The following RPTOR variants were observed in gnomAD, a reference collection of about 807,000 sequenced individuals.
The protein encoded by RPTOR is regulatory-associated protein of mTOR.
Under a neutral mutation model 169.9 loss-of-function variants are expected in RPTOR, and 21 were observed. That is an observed-to-expected ratio of 0.12 (90% CI 0.09 to 0.18). RPTOR has a LOEUF of 0.18. Among genes scored for constraint, RPTOR ranks in the 10% least tolerant of loss-of-function variants. The probability of loss-of-function intolerance (pLI) is 1.00; values close to 1 mark genes in which losing one functional copy is unlikely to be tolerated. For synonymous variants in RPTOR, 732 were observed against 753.2 expected, an observed-to-expected ratio of 0.97 and a Z score of 0.46; for missense variants, 1,133 against 1,855.9, an observed-to-expected ratio of 0.61 and a Z score of 7.16.
At chr17:80,760,080 C>T (rs969255495) in intron 6 of RPTOR, among the ~76,000 whole-genome samples, 1 of 151,970 alleles carries the variant, frequency 6.6e-6, no homozygotes, top group Non-Finnish European at 1.5e-5. Flanking sequence ...TTAGCCGGAG[C>T]GTAGGGCTTT....
At chr17:80,819,896 G>C (rs2071554266) in intron 7 of RPTOR, among the ~76,000 whole-genome samples, 1 of 152,216 alleles carries the variant, frequency 6.6e-6, no homozygotes, top group African/African-American at 2.4e-5. Flanking sequence ...CGTTGTTACA[G>C]TCGTGCTGGG....
chr17:80,594,591 C>A (rs1218956696), intron 1 of RPTOR, among the ~76,000 whole-genome samples: 1 of 152,214 alleles, frequency 6.6e-6, no homozygotes, highest in Non-Finnish European at 1.5e-5. Flanking sequence ...CCTTCTGCCT[C>A]ACTCAGAACA....
At chr17:80,796,813 G>A (rs1197439106) in intron 7 of RPTOR, among the ~76,000 whole-genome samples, 5 of 152,196 alleles carry the variant, frequency 3.3e-5, no homozygotes, top group African/African-American at 7.2e-5. Context: ...GTGAACTCCC[G>A]TGGTGCCTCC....
intron 1 of RPTOR, among the ~76,000 whole-genome samples, chr17:80,571,084 T>G (rs974418140): frequency 3.9e-5 from 6 of 152,196 alleles, no homozygotes; most frequent in Non-Finnish European, 8.8e-5. Flanking sequence ...CGTAAGAGGA[T>G]TTAAGGATAA....
intron 1 of RPTOR, among the ~76,000 whole-genome samples, chr17:80,566,111 C>T (rs961987290): frequency 6.6e-6 from 1 of 152,200 alleles, no homozygotes; most frequent in African/African-American, 2.4e-5. Flanking sequence ...CGGCTCTCTA[C>T]CTGTCTGCTC....
chr17:80,602,786 T>A, intron 1 of RPTOR: 2 of 706,784 alleles, frequency 2.8e-6, no homozygotes, highest in Non-Finnish European at 5.2e-6. Flanking sequence ...TCCGAATCTC[T>A]CTGAGTGCCC....
At chr17:80,814,367 T>C (rs2067303286) in intron 7 of RPTOR, among the ~76,000 whole-genome samples, 1 of 152,220 alleles carries the variant, frequency 6.6e-6, no homozygotes, top group South Asian at 2.1e-4. Context: ...TGTATACCCT[T>C]CCAGACTTTT....
rs552645995 is a variant in RPTOR at position 80,742,453 on chromosome 17, A to C, written c.655-11557A>C. ...TCAAGTTTAGGAGGAGCAGGTACACACACACACACACGTATATAAGCACAT... is the reference window on the plus strand; with the variant it reads ...TCAAGTTTAGGAGGAGCAGGTACACCCACACACACACGTATATAAGCACAT... On this transcript the variant is annotated intron_variant, in intron 5 of 33. Coordinates refer to ENST00000306801, the MANE Select transcript of RPTOR (RefSeq NM_020761.3). Among the ~76,000 whole-genome samples the C allele has an allele frequency of 3.9e-5, 6 of 151,988 alleles. No homozygotes were observed. In the East Asian group the frequency reaches 1.2e-3, roughly 29 times the overall value.
intron 3 of RPTOR, among the ~76,000 whole-genome samples, chr17:80,704,306 T>A (rs902822773): frequency 1.6e-4 from 24 of 152,358 alleles, no homozygotes; most frequent in African/African-American, 5.8e-4. Context: ...ATTTATCAGC[T>A]GCCCTTGGTG....
intron 20 of RPTOR, among the ~76,000 whole-genome samples, chr17:80,894,252 G>C (rs1356090006): frequency 6.6e-6 from 1 of 152,178 alleles, no homozygotes; most frequent in Admixed American, 6.5e-5. Flanking sequence ...GAGCAACTGG[G>C]GTACAGTAGG....
intron 21 of RPTOR, among the ~76,000 whole-genome samples, chr17:80,913,526 C>T (rs2068636606): frequency 6.6e-6 from 1 of 152,140 alleles, no homozygotes; most frequent in African/African-American, 2.4e-5. Context: ...AGTCACGGCT[C>T]ACTGCAGCCT....
intron 24 of RPTOR, among the ~76,000 whole-genome samples, 184 bp downstream of exon 24, chr17:80,925,664 C>G (rs375073609): frequency 6.6e-6 from 1 of 152,228 alleles, no homozygotes; most frequent in African/African-American, 2.4e-5. Flanking sequence ...TGTCGCCAAA[C>G]GAAAAGAGAA....
chr17:80,812,975 C>T (rs959642215), intron 7 of RPTOR, among the ~76,000 whole-genome samples: 2 of 152,230 alleles, frequency 1.3e-5, no homozygotes, highest in Non-Finnish European at 2.9e-5. Context: ...CCAGCTGGGA[C>T]TCTATGTGGC....
intron 20 of RPTOR, among the ~76,000 whole-genome samples, chr17:80,898,679 C>T (rs1189513417): frequency 4.2e-5 from 5 of 120,464 alleles, no homozygotes; most frequent in Non-Finnish European, 7.1e-5. Flanking sequence ...TCCCCCCACC[C>T]CCCGCCGCCC....
chr17:80,927,538 G>A (rs1329636905), intron 24 of RPTOR, among the ~76,000 whole-genome samples: 5 of 151,960 alleles, frequency 3.3e-5, no homozygotes, highest in African/African-American at 1.2e-4. Context: ...CCTTTCCTAA[G>A]CATTTTTAAG....
At chr17:80,817,982 G>A (rs760449450) in intron 7 of RPTOR, among the ~76,000 whole-genome samples, 12 of 152,176 alleles carry the variant, frequency 7.9e-5, no homozygotes, top group African/African-American at 2.2e-4. Flanking sequence ...GCAAGAAACC[G>A]CATGCCACAG....
chr17:80,949,152 C>G (rs7222041), intron 27 of RPTOR, among the ~76,000 whole-genome samples: 77,769 of 152,046 alleles, frequency 0.51, 20,991 homozygotes, highest in African/African-American at 0.69. Context: ...GCAGCCCCGG[C>G]TCCCAGGGCA....
chr17:80,945,408 C>T lies in RPTOR; in HGVS notation c.3026-259C>T, dbSNP rs539393708. 1.9e-4 allele frequency among the ~76,000 whole-genome samples: 29 copies of T among 152,110 alleles called. No homozygotes were observed. The South Asian group carries it at 2.9e-3, about 15-fold the overall frequency. On this transcript the variant is annotated intron_variant, in intron 25 of 33. Transcript: ENST00000306801. ...GAGATCAAGACCATCCTGTCTAACA[C>T]GGTGAAACCCCATCTCTACTAAAAA...
At chr17:80,628,907 C>G (rs56655683) in intron 2 of RPTOR, among the ~76,000 whole-genome samples, 9,863 of 152,258 alleles carry the variant, frequency 0.065, 1,055 homozygotes, top group African/African-American at 0.23. Flanking sequence ...GGACTCAGCT[C>G]TCTATGTATT....
Sources: allele counts gnomAD v4.1 joint callset (sites outside exome capture counted in the v4.1 genomes callset), GRCh38; gene constraint gnomAD v4.1.1; transcripts MANE v1.5; gene names NCBI Gene and HGNC (gene_info 2026-07-23, HGNC 2026-07-21).